RNF150: variants seen among roughly 807,000 people sequenced by gnomAD.
The protein encoded by RNF150 is ring finger protein 150.
Under a neutral mutation model 39.3 loss-of-function variants are expected in RNF150, and 24 were observed. The observed-to-expected ratio is 0.61, with a 90% CI of 0.44 to 0.86. The LOEUF is 0.86. Among genes scored for constraint, RNF150 ranks in the 40% least tolerant of loss-of-function variants. The pLI is 0.00. For synonymous variants in RNF150, 255 were observed against 227.3 expected, an observed-to-expected ratio of 1.12 and a Z score of -1.10; for missense variants, 502 against 587.8, an observed-to-expected ratio of 0.85 and a Z score of 1.51.
At chr4:140,948,904 T>C (rs1732430351) in intron 3 of RNF150, among the ~76,000 whole-genome samples, 1 of 152,224 alleles carries the variant, frequency 6.6e-6, no homozygotes, top group Non-Finnish European at 1.5e-5. Context: ...CATTTTGATT[T>C]TATCTCATGG....
At chr4:141,109,308 C>T (rs923895576) in intron 1 of RNF150, among the ~76,000 whole-genome samples, 20 of 151,826 alleles carry the variant, frequency 1.3e-4, no homozygotes, top group South Asian at 2.1e-4. Context: ...GAAGCCATTC[C>T]GATTCATAAA....
intron 1 of RNF150, among the ~76,000 whole-genome samples, chr4:141,097,923 A>T (rs1206186614): frequency 6.6e-6 from 1 of 152,224 alleles, no homozygotes; most frequent in East Asian, 1.9e-4. Flanking sequence ...GAGATTTGAG[A>T]CAAATTCAAC....
rs749317137 is a variant in RNF150 at position 141,027,912 on chromosome 4, G to GTTTTTTTTTTTTTTT, written c.485-60040_485-60039insAAAAAAAAAAAAAAA. On this transcript the variant is annotated intron_variant, in intron 1 of 6. Coordinates refer to ENST00000515673, the MANE Select transcript of RNF150 (RefSeq NM_020724.2). ...TAGATAGTTAATGAGCTTGGAATTTGTTTTTTTTTTTTTGTTTTTTTTTTT... is the reference window on the plus strand; with the variant it reads ...TAGATAGTTAATGAGCTTGGAATTTGTTTTTTTTTTTTTTTTTTTTTTTTTTTTGTTTTTTTTTTT... Among the ~76,000 whole-genome samples the GTTTTTTTTTTTTTTT allele has an allele frequency of 1.5e-4, 4 of 27,096 alleles. 1 individual carries two copies. The highest frequency in any genetic ancestry group is 2.2e-4 in the African/African-American group (2 of 9,260). The allele number at this position is 27,096 out of a possible 152,430, so 17.8% of individuals were successfully genotyped here.
At chr4:141,084,264 C>G (rs1302055162) in intron 1 of RNF150, among the ~76,000 whole-genome samples, 1 of 152,040 alleles carries the variant, frequency 6.6e-6, no homozygotes, top group Non-Finnish European at 1.5e-5. Context: ...GGATTTGTAG[C>G]AATATTATAT....
At chr4:141,047,722 T>C (rs1347052568) in intron 1 of RNF150, among the ~76,000 whole-genome samples, 5 of 152,190 alleles carry the variant, frequency 3.3e-5, no homozygotes, top group Admixed American at 2.6e-4. Context: ...ACTAAGGCTA[T>C]GTAGTAGCTG....
At chr4:141,200,876 A>T (rs1276603928) in intron 1 of RNF150, among the ~76,000 whole-genome samples, 1 of 152,182 alleles carries the variant, frequency 6.6e-6, no homozygotes, top group Non-Finnish European at 1.5e-5. Context: ...AGTTGAAAAA[A>T]GTAGGCACTA....
intron 4 of RNF150, among the ~76,000 whole-genome samples, chr4:140,936,467 G>A (rs1731867114): frequency 6.6e-6 from 1 of 152,052 alleles, no homozygotes; most frequent in Non-Finnish European, 1.5e-5. Flanking sequence ...TTAAAAAATA[G>A]TTTTTATAAA....
intron 1 of RNF150, among the ~76,000 whole-genome samples, chr4:141,038,630 G>T (rs542755161): frequency 5.9e-5 from 9 of 152,186 alleles, no homozygotes; most frequent in African/African-American, 2.2e-4. Flanking sequence ...GGTCAAGGCT[G>T]CAGTGAGCCA....
intron 4 of RNF150, among the ~76,000 whole-genome samples, chr4:140,940,097 T>A (rs1732024974): frequency 6.6e-6 from 1 of 152,150 alleles, no homozygotes. Context: ...CAGCACTTGG[T>A]TATAATCCAG....
chr4:141,099,551 C>A (rs1738930839), intron 1 of RNF150, among the ~76,000 whole-genome samples: 1 of 152,038 alleles, frequency 6.6e-6, no homozygotes, highest in Admixed American at 6.5e-5. Context: ...GAAACTTCAC[C>A]CCAACCATGT....
intron 1 of RNF150, among the ~76,000 whole-genome samples, chr4:141,017,020 C>T (rs181269964): frequency 1.3e-5 from 2 of 152,276 alleles, no homozygotes; most frequent in East Asian, 3.9e-4. Flanking sequence ...GATCCCTTTA[C>T]TCCACATATG....
intron 1 of RNF150, among the ~76,000 whole-genome samples, chr4:141,100,046 T>A (rs1331898135): frequency 6.6e-6 from 1 of 152,122 alleles, no homozygotes; most frequent in Non-Finnish European, 1.5e-5. Flanking sequence ...CATGAAAATA[T>A]AAGCCCCTTA....
chr4:141,116,631 C>T (rs142719799), intron 1 of RNF150, among the ~76,000 whole-genome samples: 5,812 of 152,206 alleles, frequency 0.038, 371 homozygotes, highest in African/African-American at 0.13. Context: ...TCAGCAATCC[C>T]ATTACTGGGT....
intron 1 of RNF150, among the ~76,000 whole-genome samples, chr4:141,085,971 T>C (rs1738346871): frequency 1.3e-5 from 2 of 151,082 alleles, no homozygotes; most frequent in African/African-American, 4.9e-5. Flanking sequence ...TAGGAAGAGT[T>C]TGAAGAGTCA....
At chr4:141,170,008 C>A (rs565562484) in intron 1 of RNF150, among the ~76,000 whole-genome samples, 12 of 152,118 alleles carry the variant, frequency 7.9e-5, no homozygotes, top group Admixed American at 6.5e-4. Context: ...AAATAAAAAT[C>A]CCAACATTAA....
chr4:141,195,593 C>T (rs148639979), intron 1 of RNF150, among the ~76,000 whole-genome samples: 67 of 152,174 alleles, frequency 4.4e-4, no homozygotes, highest in African/African-American at 1.5e-3. Flanking sequence ...TGCAAAATGA[C>T]CTACTTTCTT....
At chr4:140,896,719 AAC>A (rs1337545195) in intron 6 of RNF150, among the ~76,000 whole-genome samples, 1,638 of 69,754 alleles carry the variant, frequency 0.023, 47 homozygotes, top group African/African-American at 0.062. Flanking sequence ...CAAACAAACA[AAC>A]AAAAAAAAAT....
At chr4:140,929,502 G>T (rs1270888725) in intron 4 of RNF150, among the ~76,000 whole-genome samples, 1 of 151,416 alleles carries the variant, frequency 6.6e-6, no homozygotes, top group Admixed American at 6.6e-5. Context: ...GAGTAGCTGG[G>T]ACTACAGGCA....
chr4:140,933,585 T>C (rs189797794), intron 4 of RNF150, among the ~76,000 whole-genome samples: 41 of 152,328 alleles, frequency 2.7e-4, no homozygotes, highest in African/African-American at 9.9e-4. Context: ...TTATGATATG[T>C]ATGGGTTGAA....
Sources: gnomAD v4.1 joint callset for allele counts (sites outside exome capture counted in the v4.1 genomes callset) on GRCh38, gnomAD v4.1.1 for gene constraint, MANE v1.5 for transcripts, NCBI Gene and HGNC (gene_info 2026-07-23, HGNC 2026-07-21) for gene names.